EZR: variants seen among roughly 807,000 people sequenced by gnomAD.
EZR encodes the protein ezrin.
Under a neutral mutation model 74.8 loss-of-function variants are expected in EZR, and 40 were observed. The observed-to-expected ratio is 0.53, with a 90% confidence interval of 0.42 to 0.70. EZR has a LOEUF of 0.70. Among genes scored for constraint, EZR ranks in the 30% least tolerant of loss-of-function variants. The probability of loss-of-function intolerance (pLI) is 0.00; values close to 1 mark genes in which losing one functional copy is unlikely to be tolerated. For synonymous variants in EZR, 341 were observed against 283.3 expected (o/e 1.20, Z -2.05); for missense variants, 678 against 755.8 (o/e 0.90, Z 1.21).
Position 158,769,318 on chromosome 6 carries a change from AGACTCACCCTGTGCT to A in EZR, c.1337_1344+7del. The A allele has an allele frequency of 1.2e-6, 2 of 1,608,314 alleles. No homozygotes were observed. The highest frequency in any genetic ancestry group is 1.7e-6 in the Non-Finnish European group (2 of 1,179,728). ...GGCCGTGCGGAGGTGTCCCCCGTGC[AGACTCACCCTGTGCT>A]GCCACTCTTCAACTTCATCCTCCTT... On this transcript the variant is annotated splice_donor_variant and splice_donor_5th_base_variant and coding_sequence_variant and intron_variant, in exon 12 of 14. Coordinates refer to ENST00000367075, the MANE Select transcript of EZR (RefSeq NM_001111077.2). LOFTEE classifies it high-confidence loss of function.
At chr6:158,777,880 A>G (rs1791324730) in intron 7 of EZR, among the ~76,000 whole-genome samples, 1 of 151,016 alleles carries the variant, frequency 6.6e-6, no homozygotes, top group Non-Finnish European at 1.5e-5. Flanking sequence ...CCTTTCTTTT[A>G]CAGTGCTATG....
At chr6:158,772,951 G>A (rs1384676131) in intron 8 of EZR, among the ~76,000 whole-genome samples, 2 of 152,158 alleles carry the variant, frequency 1.3e-5, no homozygotes, top group Non-Finnish European at 2.9e-5. Flanking sequence ...GCCAAGCCCT[G>A]AGAGCCCATG....
intron 7 of EZR, among the ~76,000 whole-genome samples, chr6:158,782,890 C>G (rs577569370): frequency 6.6e-6 from 1 of 152,334 alleles, no homozygotes; most frequent in South Asian, 2.1e-4. Context: ...CCCTGTTTAT[C>G]CTCAGCAGAA....
chr6:158,769,716 GTCACATTT>G, intron 11 of EZR, 60 bp downstream of exon 11: 3 of 1,575,958 alleles, frequency 1.9e-6, no homozygotes, highest in Non-Finnish European at 2.6e-6. Context: ...CAAGGCAGGT[GTCACATTT>G]TCCATCCTCA....
chr6:158,818,637 T>C (rs1777619826), intron 1 of EZR, among the ~76,000 whole-genome samples: 1 of 137,906 alleles, frequency 7.3e-6, no homozygotes, highest in African/African-American at 2.8e-5. Flanking sequence ...TGGGGGACAC[T>C]CGAGGTGCAC....
chr6:158,769,262 C>T, intron 12 of EZR, 64 bp downstream of exon 12: 2 of 1,453,364 alleles, frequency 1.4e-6, no homozygotes, highest in Non-Finnish European at 1.9e-6. Flanking sequence ...CAGAAGGGCC[C>T]CACCGCAGGC....
chr6:158,781,948 CG>C (rs1791444482), intron 7 of EZR, among the ~76,000 whole-genome samples: 1 of 152,060 alleles, frequency 6.6e-6, no homozygotes, highest in Admixed American at 6.5e-5. Context: ...TTGGTAGAGA[CG>C]GGGTTTCGCC....
chr6:158,816,265 T>G (rs368302368), intron 2 of EZR, among the ~76,000 whole-genome samples: 1 of 152,170 alleles, frequency 6.6e-6, no homozygotes, highest in South Asian at 2.1e-4. Context: ...TATGTAACAA[T>G]GTAAATGTAC....
rs367953844 is a variant in EZR at position 158,815,218 on chromosome 6, T to C, written c.12+2864A>G. On this transcript the variant is annotated intron_variant, in intron 2 of 13. Transcript: ENST00000367075. Reference sequence around the variant, plus strand: ...GTGGATGTTTCATTTTAACATTTACTAAGGCAGCAAAAAAACCCCAAACCA... The same window carrying C: ...GTGGATGTTTCATTTTAACATTTACCAAGGCAGCAAAAAAACCCCAAACCA... 9.4e-4 allele frequency among the ~76,000 whole-genome samples: 143 copies of C among 152,312 alleles called. 5 individuals are homozygous for C. In the South Asian group the frequency reaches 0.028, roughly 29 times the overall value.
At chr6:158,787,023 G>A in intron 4 of EZR, 85 bp downstream of exon 4, 7 of 1,090,154 alleles carry the variant, frequency 6.4e-6, no homozygotes, top group Non-Finnish European at 9.6e-6. Context: ...GAAAACAAAA[G>A]ACAGGGTGAG....
intron 2 of EZR, among the ~76,000 whole-genome samples, chr6:158,804,811 G>T (rs1459388395): frequency 1.3e-5 from 2 of 149,110 alleles, no homozygotes; most frequent in African/African-American, 5.0e-5. Flanking sequence ...TGTGCACATT[G>T]TGCAGGTTAG....
chr6:158,765,831 C>A lies in EZR; in HGVS notation c.*1083G>T, dbSNP rs1790744099. 6.6e-6 allele frequency: 1 copy of A among 152,248 alleles called. No individual in the cohort carries two copies. Among genetic ancestry groups the A allele is most frequent in the African/African-American group, 2.4e-5 (1 of 41,444 alleles). 9.4% of individuals were successfully genotyped at this position (152,248 alleles called of 1,614,324 possible). A position where few individuals can be genotyped will look rare whatever the true frequency, so the allele number is the denominator to read the frequency against. On this transcript the variant is annotated 3_prime_UTR_variant, in exon 14 of 14. Transcript: ENST00000367075. ...CTTAGCTGTGAAGGAGAAAGCAGTG[C>A]ACGAGAAGGAATGAGTGGGCGGAAC... is the stretch of plus-strand genomic sequence containing the variant.
At chr6:158,789,738 G>A (rs112666577) in intron 2 of EZR, among the ~76,000 whole-genome samples, 371 of 152,310 alleles carry the variant, frequency 2.4e-3, no homozygotes, top group African/African-American at 8.4e-3. Context: ...TCCCACCTCA[G>A]CCTCTTGAGT....
At chr6:158,804,887 A>G (rs1430284350) in intron 2 of EZR, among the ~76,000 whole-genome samples, 2 of 148,254 alleles carry the variant, frequency 1.3e-5, no homozygotes, top group African/African-American at 2.5e-5. Flanking sequence ...AGCATTAGGT[A>G]TATCTCCCGA....
chr6:158,794,768 C>T (rs1336993475), intron 2 of EZR, among the ~76,000 whole-genome samples: 1 of 152,034 alleles, frequency 6.6e-6, no homozygotes, highest in Admixed American at 6.5e-5. Flanking sequence ...AATATTTCTC[C>T]CAGGCTTGCC....
chr6:158,783,839 A>G lies in EZR; in HGVS notation c.552-173T>C, dbSNP rs555680241. 1.7e-3 allele frequency among the ~76,000 whole-genome samples: 264 copies of G among 152,328 alleles called. 1 individual carries two copies. The highest frequency in any genetic ancestry group is 6.2e-3 in the African/African-American group (258 of 41,586). ...GCCGACCGGTGAGGAGGGGACCCAT[A>G]CAGCCCAGAAGCTATGCCTGGGGTG... On this transcript the variant is annotated intron_variant, in intron 6 of 13. Coordinates refer to ENST00000367075, the MANE Select transcript of EZR (RefSeq NM_001111077.2).
chr6:158,812,175 TCA>T (rs1254543625), intron 2 of EZR, among the ~76,000 whole-genome samples: 5 of 152,282 alleles, frequency 3.3e-5, no homozygotes, highest in East Asian at 1.9e-4. Flanking sequence ...TGGCTCTTTT[TCA>T]CAGAGTCATC....
At chr6:158,776,879 C>CA (rs891662197) in intron 7 of EZR, among the ~76,000 whole-genome samples, 1 of 152,214 alleles carries the variant, frequency 6.6e-6, no homozygotes, top group Non-Finnish European at 1.5e-5. Context: ...ACCTACCTCT[C>CA]ATCCTGCCAG....
chr6:158,794,447 C>T (rs1348736800), intron 2 of EZR, among the ~76,000 whole-genome samples: 1 of 152,174 alleles, frequency 6.6e-6, no homozygotes, highest in Non-Finnish European at 1.5e-5. Context: ...TATTTGAATG[C>T]CAACTGGTTC....
Sources: allele counts gnomAD v4.1 joint callset (sites outside exome capture counted in the v4.1 genomes callset), GRCh38; gene constraint gnomAD v4.1.1; transcripts MANE v1.5; gene names NCBI Gene and HGNC (gene_info 2026-07-23, HGNC 2026-07-21).